Variants in SLC6A2 observed in about 807,000 individuals in gnomAD.
SLC6A2 encodes the protein solute carrier family 6 member 2.
A neutral mutation model predicts 71.7 loss-of-function variants in SLC6A2; 26 were observed. That is an observed-to-expected ratio of 0.36 (90% CI 0.27 to 0.50). The LOEUF (loss-of-function observed/expected upper bound fraction) is 0.50. SLC6A2 is among the 20% of genes least tolerant of loss of function. SLC6A2 has a pLI of 0.96. For missense variants in SLC6A2, 581 were observed against 803.9 expected (o/e 0.72, Z 3.35); for synonymous variants, 363 against 337.9 (o/e 1.07, Z -0.82).
At chr16:55,701,839 C>T (rs1375116488) in intron 13 of SLC6A2, 24 bp from the exon 14 acceptor site, 1 of 1,603,208 alleles carries the variant, frequency 6.2e-7, no homozygotes, top group Admixed American at 1.7e-5. Context: ...AAGCTGAGGC[C>T]TCCTCCCCTT....
chr16:55,685,658 A>C (rs1416313911), intron 5 of SLC6A2, among the ~76,000 whole-genome samples: 1 of 152,220 alleles, frequency 6.6e-6, no homozygotes, highest in Non-Finnish European at 1.5e-5. Flanking sequence ...ATCTTCATGC[A>C]AATGTTGCAT....
chr16:55,705,477 A>G lies in SLC6A2; in HGVS notation c.*3131A>G. ...AAAGCCACCGAAGAGAGAAAAACAG[A>G]GAAGGTGTGTAGTGTGGCGGAAAAA... On this transcript the variant is annotated 3_prime_UTR_variant, in exon 15 of 15. Transcript: ENST00000568943. The G allele has an allele frequency of 1.8e-6, 1 of 550,836 alleles. No individual in the cohort carries two copies. Among genetic ancestry groups the G allele is most frequent in the East Asian group, 2.9e-5 (1 of 34,912 alleles). The allele number at this position is 550,836 out of a possible 1,614,324, so 34.1% of individuals were successfully genotyped here.
chr16:55,702,761 A>AAG lies in SLC6A2; in HGVS notation c.*415_*416insAG. The AAG allele has an allele frequency of 9.9e-7, 1 of 1,007,204 alleles. No homozygotes were observed. Among genetic ancestry groups the AAG allele is most frequent in the Non-Finnish European group, 1.2e-6 (1 of 841,510 alleles). 62.4% of individuals were successfully genotyped at this position (1,007,204 alleles called of 1,614,324 possible). A position where few individuals can be genotyped will look rare whatever the true frequency, so the allele number is the denominator to read the frequency against. ...GATACCCCTCCCAAAAAAAAAAAAA[A>AAG]CTAAAACTAAAGCAAAAATCAAACA... On this transcript the variant is annotated 3_prime_UTR_variant, in exon 15 of 15. Transcript: ENST00000568943.
intron 5 of SLC6A2, among the ~76,000 whole-genome samples, chr16:55,685,543 C>T (rs1388156449): frequency 6.6e-6 from 1 of 152,138 alleles, no homozygotes; most frequent in African/African-American, 2.4e-5. Flanking sequence ...CTGCCAAAAC[C>T]TCCCTAATAG....
intron 4 of SLC6A2, among the ~76,000 whole-genome samples, 192 bp downstream of exon 4, chr16:55,672,367 C>T (rs1469714218): frequency 1.3e-5 from 2 of 152,234 alleles, no homozygotes; most frequent in East Asian, 1.9e-4. Context: ...GAGAAGCTTG[C>T]GTTCTGGGGC....
At chr16:55,699,690 G>A in intron 12 of SLC6A2, 36 bp downstream of exon 12, 1 of 1,448,072 alleles carries the variant, frequency 6.9e-7, no homozygotes, top group Admixed American at 1.7e-5. Context: ...TGCATGTGGG[G>A]AGGGGGCTGT....
intron 2 of SLC6A2, among the ~76,000 whole-genome samples, chr16:55,668,493 C>T (rs550507307): frequency 1.3e-5 from 2 of 152,212 alleles, no homozygotes; most frequent in South Asian, 4.2e-4. Flanking sequence ...GGTTACAACA[C>T]CTTAGCTAAA....
chr16:55,662,418 G>T (rs1046646502), intron 2 of SLC6A2, among the ~76,000 whole-genome samples: 5 of 152,148 alleles, frequency 3.3e-5, no homozygotes, highest in Non-Finnish European at 7.3e-5. Context: ...GAAAATCCTT[G>T]CCTTTAAGGG....
chr16:55,693,716 A>G lies in SLC6A2; in HGVS notation c.919-294A>G, dbSNP rs1190134343. On this transcript the variant is annotated intron_variant, in intron 6 of 14. Transcript: ENST00000568943. ...TTCACACTCTAGCCTAGAACTTTTCATTTTGTTAACTTTCTTTGAAAATCA... is the reference window on the plus strand; with the variant it reads ...TTCACACTCTAGCCTAGAACTTTTCGTTTTGTTAACTTTCTTTGAAAATCA... 2.0e-5 allele frequency among the ~76,000 whole-genome samples: 3 copies of G among 152,158 alleles called. No homozygotes were observed. In the South Asian group the frequency reaches 6.2e-4, roughly 32 times the overall value.
chr16:55,687,947 C>T (rs1355077951), intron 5 of SLC6A2, among the ~76,000 whole-genome samples: 2 of 152,138 alleles, frequency 1.3e-5, no homozygotes, highest in African/African-American at 2.4e-5. Context: ...AGGAAAGCCC[C>T]CATGTAGAAA....
At chr16:55,664,342 C>A (rs986477298) in intron 2 of SLC6A2, among the ~76,000 whole-genome samples, 1 of 152,218 alleles carries the variant, frequency 6.6e-6, no homozygotes, top group Non-Finnish European at 1.5e-5. Context: ...GGCCTGGGGG[C>A]ATCCTTTGTC....
At chr16:55,679,177 G>A (rs1391170509) in intron 4 of SLC6A2, among the ~76,000 whole-genome samples, 4 of 151,880 alleles carry the variant, frequency 2.6e-5, no homozygotes, top group Admixed American at 1.3e-4. Context: ...AGGAAGAAGC[G>A]GAATTAAGCA....
At position 55,691,927 on chromosome 16, in the gene SLC6A2, A is replaced by G. The variant is rs1567451801; in HGVS notation, c.793A>G (p.Ile265Val). The G allele has an allele frequency of 6.2e-7, 1 of 1,614,174 alleles. No homozygotes were observed. Residue 265 changes from isoleucine to valine, a missense_variant, in exon 6 of 15, where the codon ATC becomes GTC. Transcript: ENST00000568943. ...GVKTSGKVVWITATLPYFVLF... is the reference protein window; with the variant it reads ...GVKTSGKVVWVTATLPYFVLF... Reference sequence around the variant, plus strand: ...CTTATCCATTGCCCAGGTGGTGTGGATCACAGCCACGCTGCCTTACTTCGT... The same window carrying G: ...CTTATCCATTGCCCAGGTGGTGTGGGTCACAGCCACGCTGCCTTACTTCGT...
intron 5 of SLC6A2, among the ~76,000 whole-genome samples, chr16:55,686,456 A>C (rs1345557477): frequency 6.6e-6 from 1 of 152,164 alleles, no homozygotes; most frequent in Non-Finnish European, 1.5e-5. Context: ...CCAGTGGCCA[A>C]AACAAGTGTT....
intron 9 of SLC6A2, 38 bp downstream of exon 9, chr16:55,696,375 A>G (rs897274506): frequency 3.3e-6 from 4 of 1,207,290 alleles, no homozygotes; most frequent in Non-Finnish European, 3.7e-6. Flanking sequence ...CCCCCATCCC[A>G]CTGGGCCTGA....
chr16:55,678,618 C>T (rs62028846), intron 4 of SLC6A2, among the ~76,000 whole-genome samples: 19,014 of 152,180 alleles, frequency 0.12, 1,275 homozygotes, highest in Middle Eastern at 0.18. Flanking sequence ...TGTAAAAGGC[C>T]ACCTTTGGTG....
intron 4 of SLC6A2, among the ~76,000 whole-genome samples, 164 bp downstream of exon 4, chr16:55,672,339 C>T (rs1205453787): frequency 6.6e-6 from 1 of 152,110 alleles, no homozygotes; most frequent in African/African-American, 2.4e-5. Flanking sequence ...TGAGGACACG[C>T]CACGGTCGAG....
At chr16:55,685,086 C>T in intron 4 of SLC6A2, 57 bp from the exon 5 acceptor site, 1 of 1,580,680 alleles carries the variant, frequency 6.3e-7, no homozygotes, top group South Asian at 1.1e-5. Context: ...TGGTCACGGC[C>T]TCTGTCGTCC....
chr16:55,673,848 C>T (rs1190455209), intron 4 of SLC6A2, among the ~76,000 whole-genome samples: 1 of 152,196 alleles, frequency 6.6e-6, no homozygotes, highest in South Asian at 2.1e-4. Flanking sequence ...AGGCGTGAGC[C>T]ACCACCCCAG....
Sources: gnomAD v4.1 joint callset for allele counts (sites outside exome capture counted in the v4.1 genomes callset) on GRCh38, gnomAD v4.1.1 for gene constraint, MANE v1.5 for transcripts, NCBI Gene and HGNC (gene_info 2026-07-23, HGNC 2026-07-21) for gene names.